Variants in TMTC3 observed in about 807,000 individuals in gnomAD.
TMTC3 encodes protein O-mannosyl-transferase TMTC3.
A neutral mutation model predicts 92.2 loss-of-function variants in TMTC3; 52 were observed. The observed-to-expected ratio is 0.56, with a 90% CI of 0.45 to 0.71. TMTC3 has a LOEUF of 0.71. TMTC3 is among the 30% of genes least tolerant of loss of function. TMTC3 has a pLI of 0.00. For synonymous variants in TMTC3, 339 were observed against 363.3 expected, an observed-to-expected ratio of 0.93 and a Z score of 0.76; for missense variants, 896 against 1,057.1, an observed-to-expected ratio of 0.85 and a Z score of 2.11.
chr12:88,146,601 G>GTA (rs2040877664), intron 1 of TMTC3, among the ~76,000 whole-genome samples: 1 of 148,224 alleles, frequency 6.7e-6, no homozygotes, highest in Non-Finnish European at 1.5e-5. Context: ...TTGTGTGTGT[G>GTA]TGTGTGTGTG....
chr12:88,190,616 T>A lies in TMTC3; in HGVS notation c.1700T>A (p.Ile567Asn). The A allele has an allele frequency of 6.2e-7, 1 of 1,613,702 alleles. No individual in the cohort carries two copies. Among genetic ancestry groups the A allele is most frequent in the Non-Finnish European group, 8.5e-7 (1 of 1,179,772 alleles). Residue 567 changes from isoleucine (I) to asparagine (N), a missense_variant, in exon 12 of 14, where the codon ATT becomes AAT. Physicochemically the swap from Ile to Asn is moderately radical, Grantham distance 149. Transcript: ENST00000266712. ...AGGCCCGACTTCAAGCAGGCTTACATTAGCAGGTATCCCAGTTCAACTTTA... is the reference window on the plus strand; with the variant it reads ...AGGCCCGACTTCAAGCAGGCTTACAATAGCAGGTATCCCAGTTCAACTTTA... The part of the protein sequence containing the change: ...SMRPDFKQAY[I>N]SRGELLLKMN...
chr12:88,151,677 A>C (rs1460552498), intron 2 of TMTC3, among the ~76,000 whole-genome samples: 1 of 152,180 alleles, frequency 6.6e-6, no homozygotes, highest in Non-Finnish European at 1.5e-5. Context: ...TGCAATTCAA[A>C]ATACATATTC....
At chr12:88,184,632 C>T (rs1014685151) in intron 10 of TMTC3, among the ~76,000 whole-genome samples, 19 of 152,228 alleles carry the variant, frequency 1.2e-4, no homozygotes, top group African/African-American at 2.4e-4. Flanking sequence ...TCATTGGGCA[C>T]GTATTTGAGA....
chr12:88,154,137 C>G lies in TMTC3; in HGVS notation c.409-151C>G, dbSNP rs2040977763. The G allele has an allele frequency of 8.9e-6, 5 of 562,498 alleles. No individual in the cohort carries two copies. In the South Asian group the frequency reaches 1.2e-4, roughly 13 times the overall value. 34.8% of individuals were successfully genotyped at this position (562,498 alleles called of 1,614,324 possible). On this transcript the variant is annotated intron_variant, in intron 3 of 13. Transcript: ENST00000266712. ...TAAATGTCTATTTATGTAAGATTCA[C>G]AAATTCACCACCTGAGGGCACCCAA...
Position 88,199,580 on chromosome 12 carries a change from T to G in TMTC3, c.*3931T>G, listed in dbSNP as rs1023940565. On this transcript the variant is annotated 3_prime_UTR_variant, in exon 14 of 14. Coordinates refer to ENST00000266712, the MANE Select transcript of TMTC3 (RefSeq NM_181783.4). ...GAAATCTAATAGTAATGCTTGTTCC[T>G]TTGCTATCTATGCTAACAAGTACAT... 2 of 152,186 alleles carry G rather than the reference T, an allele frequency of 1.3e-5. No homozygotes were observed. The highest frequency in any genetic ancestry group is 4.8e-5 in the African/African-American group (2 of 41,450). 9.4% of individuals were successfully genotyped at this position (152,186 alleles called of 1,614,324 possible).
At chr12:88,160,571 T>C in intron 5 of TMTC3, 108 bp from the exon 6 acceptor site, 4 of 988,782 alleles carry the variant, frequency 4.0e-6, no homozygotes, top group Admixed American at 2.7e-5. Context: ...TCCACATTAA[T>C]TTTATAATTA....
chr12:88,197,005 A>G lies in TMTC3; in HGVS notation c.*1356A>G, dbSNP rs1201536034. ...AAAGTACATTTTAAATGAGCTTTATAATACCTTAAAAAGTTGGTTCTAATT... is the reference window on the plus strand; with the variant it reads ...AAAGTACATTTTAAATGAGCTTTATGATACCTTAAAAAGTTGGTTCTAATT... On this transcript the variant is annotated 3_prime_UTR_variant, in exon 14 of 14. Coordinates refer to ENST00000266712, the MANE Select transcript of TMTC3 (RefSeq NM_181783.4). 1 of 152,132 alleles carries G rather than the reference A, an allele frequency of 6.6e-6. No homozygotes were observed. The highest frequency in any genetic ancestry group is 1.5e-5 in the Non-Finnish European group (1 of 67,788). The allele number at this position is 152,132 out of a possible 1,614,324, so 9.4% of individuals were successfully genotyped here.
At chr12:88,160,609 A>C in intron 5 of TMTC3, 70 bp from the exon 6 acceptor site, 1 of 1,311,152 alleles carries the variant, frequency 7.6e-7, no homozygotes, top group South Asian at 1.3e-5. Context: ...GCAATTAGAA[A>C]GTACTACAGT....
intron 10 of TMTC3, among the ~76,000 whole-genome samples, chr12:88,181,393 G>A (rs1334853360): frequency 6.6e-6 from 1 of 152,048 alleles, no homozygotes; most frequent in Non-Finnish European, 1.5e-5. Context: ...TGGCAATGTG[G>A]GCATTGTAAA....
At chr12:88,183,742 G>C (rs2041344581) in intron 10 of TMTC3, among the ~76,000 whole-genome samples, 1 of 152,130 alleles carries the variant, frequency 6.6e-6, no homozygotes, top group Non-Finnish European at 1.5e-5. Context: ...CCTATGTCTA[G>C]CATACCTTCT....
chr12:88,193,822 G>A (rs2041471391), intron 13 of TMTC3, among the ~76,000 whole-genome samples: 1 of 152,114 alleles, frequency 6.6e-6, no homozygotes, highest in South Asian at 2.1e-4. Flanking sequence ...TAATCATGAA[G>A]GATGCTCATT....
intron 10 of TMTC3, among the ~76,000 whole-genome samples, chr12:88,179,089 AT>A (rs1223718692): frequency 6.6e-6 from 1 of 152,198 alleles, no homozygotes; most frequent in Non-Finnish European, 1.5e-5. Context: ...TGCTGTTTCT[AT>A]TAATCATAAG....
intron 9 of TMTC3, among the ~76,000 whole-genome samples, chr12:88,175,988 T>C (rs559673669): frequency 6.6e-6 from 1 of 152,298 alleles, no homozygotes; most frequent in Admixed American, 6.5e-5. Flanking sequence ...TGTTAATATA[T>C]AACGTGAATG....
chr12:88,193,055 C>G (rs1208261677), intron 13 of TMTC3, among the ~76,000 whole-genome samples: 2 of 151,996 alleles, frequency 1.3e-5, no homozygotes, highest in Non-Finnish European at 2.9e-5. Flanking sequence ...ATTCTTCTGG[C>G]ATGTGTTAAG....
intron 12 of TMTC3, among the ~76,000 whole-genome samples, chr12:88,192,138 T>C (rs1339366171): frequency 1.3e-5 from 2 of 151,764 alleles, no homozygotes; most frequent in African/African-American, 4.9e-5. Context: ...ATAGTGAGCC[T>C]TCTATTATAC....
intron 7 of TMTC3, among the ~76,000 whole-genome samples, chr12:88,169,477 G>A (rs959291113): frequency 6.6e-6 from 1 of 152,092 alleles, no homozygotes; most frequent in Non-Finnish European, 1.5e-5. Context: ...TTTCAGTATA[G>A]TCCTAATAAA....
Position 88,195,797 on chromosome 12 carries a change from A to AAAG in TMTC3, c.*150_*152dup. On this transcript the variant is annotated 3_prime_UTR_variant, in exon 14 of 14. Coordinates refer to ENST00000266712, the MANE Select transcript of TMTC3 (RefSeq NM_181783.4). ...GTAGGATCAAAATAAGATTTTCATT[A>AAAG]AAGACCTGTATTATCCCAGGATGTA... 1.6e-6 allele frequency: 1 copy of AAAG among 607,640 alleles called. No homozygotes were observed. The highest frequency in any genetic ancestry group is 2.6e-5 in the South Asian group (1 of 38,192). The allele number at this position is 607,640 out of a possible 1,614,324, so 37.6% of individuals were successfully genotyped here.
chr12:88,151,003 C>A (rs2040936239), intron 2 of TMTC3, among the ~76,000 whole-genome samples: 1 of 152,106 alleles, frequency 6.6e-6, no homozygotes, highest in African/African-American at 2.4e-5. Flanking sequence ...TGGATCTCAA[C>A]CCTGACTGCC....
rs963362354 is a variant in TMTC3 at position 88,199,030 on chromosome 12, T to A, written c.*3381T>A. 1 of 116,950 alleles carries A rather than the reference T, an allele frequency of 8.6e-6. No individual in the cohort carries two copies. The highest frequency in any genetic ancestry group is 2.9e-5 in the African/African-American group (1 of 34,182). The allele number at this position is 116,950 out of a possible 1,614,324, so 7.2% of individuals were successfully genotyped here. On this transcript the variant is annotated 3_prime_UTR_variant, in exon 14 of 14. Coordinates refer to ENST00000266712, the MANE Select transcript of TMTC3 (RefSeq NM_181783.4). ...ATTAAATTGGTACTTCTTAAAACCA[T>A]AACCTGGCTTGCCTTTTAGTGTTAA...
Sources: allele counts gnomAD v4.1 joint callset (sites outside exome capture counted in the v4.1 genomes callset), GRCh38; gene constraint gnomAD v4.1.1; transcripts MANE v1.5; gene names NCBI Gene and HGNC (gene_info 2026-07-23, HGNC 2026-07-21).